The following ARHGAP19 variants were observed in gnomAD, a reference collection of about 807,000 sequenced individuals.
ARHGAP19 encodes rho GTPase-activating protein 19.
A neutral mutation model predicts 60.9 loss-of-function variants in ARHGAP19; 48 were observed. That is an observed-to-expected ratio of 0.79 (90% CI 0.62 to 1.00). The LOEUF is 1.00. Among genes scored for constraint, ARHGAP19 ranks in the 50% least tolerant of loss-of-function variants. The pLI is 0.00. For synonymous variants in ARHGAP19, 209 were observed against 215.5 expected, an observed-to-expected ratio of 0.97 and a Z score of 0.27; for missense variants, 562 against 597.2, an observed-to-expected ratio of 0.94 and a Z score of 0.61.
chr10:97,230,604 G>A (rs1360977207), intron 9 of ARHGAP19, among the ~76,000 whole-genome samples: 3 of 151,934 alleles, frequency 2.0e-5, no homozygotes, highest in Admixed American at 2.0e-4. Flanking sequence ...ATCAAAACTA[G>A]AACATTAAAC....
chr10:97,225,347 G>A lies in ARHGAP19; in HGVS notation c.*775C>T, dbSNP rs192191353. On this transcript the variant is annotated 3_prime_UTR_variant, in exon 12 of 12. Coordinates refer to ENST00000358531, the MANE Select transcript of ARHGAP19 (RefSeq NM_032900.6). Reference sequence around the variant, plus strand: ...TTATTTTCACATCACTGAGGAAAGGGAAAGAGAGAGAGAGATGGACAAGGG... The same window carrying A: ...TTATTTTCACATCACTGAGGAAAGGAAAAGAGAGAGAGAGATGGACAAGGG... The A allele has an allele frequency of 9.6e-4, 146 of 152,318 alleles. No homozygotes were observed. Among genetic ancestry groups the A allele is most frequent in the African/African-American group, 3.4e-3 (141 of 41,580 alleles). 9.4% of individuals were successfully genotyped at this position (152,318 alleles called of 1,614,324 possible). A position where few individuals can be genotyped will look rare whatever the true frequency, so the allele number is the denominator to read the frequency against.
chr10:97,248,626 T>A (rs575522519), intron 6 of ARHGAP19, among the ~76,000 whole-genome samples: 85 of 152,154 alleles, frequency 5.6e-4, no homozygotes, highest in African/African-American at 2.0e-3. Flanking sequence ...ATATACCTAG[T>A]ATCACTCAGA....
intron 7 of ARHGAP19, among the ~76,000 whole-genome samples, chr10:97,245,177 T>C (rs1470337865): frequency 6.6e-6 from 1 of 152,024 alleles, no homozygotes; most frequent in African/African-American, 2.4e-5. Flanking sequence ...GGCTAATTTT[T>C]TGCATTTTTG....
chr10:97,227,693 A>G (rs2134799915), intron 11 of ARHGAP19, among the ~76,000 whole-genome samples: 1 of 152,280 alleles, frequency 6.6e-6, no homozygotes, highest in Admixed American at 6.5e-5. Flanking sequence ...AACTACTAAC[A>G]TTTTTGAGAA....
chr10:97,267,455 T>C lies in ARHGAP19; in HGVS notation c.57-1330A>G, dbSNP rs539175618. Among the ~76,000 whole-genome samples, 6 of 152,362 alleles carry C rather than the reference T, an allele frequency of 3.9e-5. No individual in the cohort carries two copies. In the East Asian group the frequency reaches 1.2e-3, roughly 29 times the overall value. On this transcript the variant is annotated intron_variant, in intron 1 of 11. Transcript: ENST00000358531. ...TCAGTGGATCTACAGTTCTGGGATC[T>C]GGAAGATGGTGGCCCTCTTCTCACA...
chr10:97,227,780 C>T lies in ARHGAP19; in HGVS notation c.1474+1367G>A, dbSNP rs563352629. Among the ~76,000 whole-genome samples, 19 of 152,274 alleles carry T rather than the reference C, an allele frequency of 1.2e-4. No individual in the cohort carries two copies. In the South Asian group the frequency reaches 3.7e-3, roughly 30 times the overall value. ...ACACAAAAGATTGCATCAACAATAC[C>T]GGGAACTTTATTAGACCATTTAGGA... is the stretch of plus-strand genomic sequence containing the variant. On this transcript the variant is annotated intron_variant, in intron 11 of 11. Transcript: ENST00000358531.
intron 6 of ARHGAP19, among the ~76,000 whole-genome samples, chr10:97,246,875 T>C (rs944511295): frequency 6.6e-6 from 1 of 151,984 alleles, no homozygotes; most frequent in African/African-American, 2.4e-5. Flanking sequence ...CGGTGGCTCA[T>C]GCCTGTAATC....
intron 1 of ARHGAP19, among the ~76,000 whole-genome samples, chr10:97,288,535 C>G (rs1414113180): frequency 6.7e-6 from 1 of 149,080 alleles, no homozygotes; most frequent in African/African-American, 2.5e-5. Flanking sequence ...GAGCTGAGAT[C>G]GTGCCACTAC....
At chr10:97,240,242 AAT>A (rs1842458057) in intron 8 of ARHGAP19, among the ~76,000 whole-genome samples, 1 of 143,102 alleles carries the variant, frequency 7.0e-6, no homozygotes, top group Non-Finnish European at 1.5e-5. Flanking sequence ...TCTAGAAAAT[AAT>A]CTACAATGAA....
chr10:97,263,876 T>A (rs1291693524), intron 3 of ARHGAP19, among the ~76,000 whole-genome samples: 1 of 152,088 alleles, frequency 6.6e-6, no homozygotes, highest in Non-Finnish European at 1.5e-5. Flanking sequence ...TCATTCAACC[T>A]CCTGAGGTAT....
At chr10:97,250,403 T>C (rs1589454836) in intron 6 of ARHGAP19, among the ~76,000 whole-genome samples, 1 of 129,088 alleles carries the variant, frequency 7.7e-6, no homozygotes, top group Non-Finnish European at 1.7e-5. Flanking sequence ...TTTTTTTTTT[T>C]GAGATGGAGT....
At chr10:97,258,138 G>T (rs1564721440) in intron 5 of ARHGAP19, among the ~76,000 whole-genome samples, 1 of 152,198 alleles carries the variant, frequency 6.6e-6, no homozygotes. Flanking sequence ...AGGACTTACT[G>T]TATTATGCCC....
intron 1 of ARHGAP19, chr10:97,270,710 G>T: frequency 6.5e-7 from 1 of 1,529,644 alleles, no homozygotes; most frequent in Non-Finnish European, 8.8e-7. Context: ...CCCTGCCCCA[G>T]CACAGCCTAC....
intron 1 of ARHGAP19, among the ~76,000 whole-genome samples, chr10:97,266,978 A>G (rs1419577021): frequency 6.6e-6 from 1 of 152,086 alleles, no homozygotes; most frequent in Non-Finnish European, 1.5e-5. Context: ...ACATTTCAAA[A>G]CCAATTATGC....
chr10:97,256,712 A>C (rs1385115077), intron 5 of ARHGAP19, among the ~76,000 whole-genome samples: 2 of 152,228 alleles, frequency 1.3e-5, no homozygotes, highest in Non-Finnish European at 2.9e-5. Context: ...GCAGAAAAAA[A>C]CAGAATCTGT....
intron 8 of ARHGAP19, 123 bp downstream of exon 8, chr10:97,243,845 A>T: frequency 1.1e-6 from 1 of 920,728 alleles, no homozygotes; most frequent in Non-Finnish European, 1.6e-6. Flanking sequence ...GAGATTCCAT[A>T]GACAAGCCTG....
intron 8 of ARHGAP19, among the ~76,000 whole-genome samples, chr10:97,239,858 C>A (rs1464359688): frequency 6.6e-6 from 1 of 151,746 alleles, no homozygotes; most frequent in Non-Finnish European, 1.5e-5. Flanking sequence ...CAGGCCTGAG[C>A]CACCATGCCT....
intron 3 of ARHGAP19, 21 bp from the exon 4 acceptor site, chr10:97,263,650 C>T (rs770669665): frequency 5.0e-6 from 8 of 1,608,394 alleles, no homozygotes; most frequent in Non-Finnish European, 6.8e-6. Context: ...TAAAACAAAG[C>T]AGAGGACAGG....
intron 1 of ARHGAP19, among the ~76,000 whole-genome samples, chr10:97,288,271 A>C (rs1391744267): frequency 6.6e-6 from 1 of 151,958 alleles, no homozygotes; most frequent in East Asian, 1.9e-4. Flanking sequence ...CCACACTATC[A>C]ACAGAACGTT....
Sources: allele counts gnomAD v4.1 joint callset (sites outside exome capture counted in the v4.1 genomes callset), GRCh38; gene constraint gnomAD v4.1.1; transcripts MANE v1.5; gene names NCBI Gene and HGNC (gene_info 2026-07-23, HGNC 2026-07-21).